The following KHDRBS2 variants were observed in gnomAD, a reference collection of about 807,000 sequenced individuals.
KHDRBS2 encodes KH RNA binding domain containing, signal transduction associated 2, also known as KH domain-containing, RNA-binding, signal transduction-associated protein 2.
Under a neutral mutation model 44.3 loss-of-function variants are expected in KHDRBS2, and 26 were observed. That is an observed-to-expected ratio of 0.59 (90% CI 0.43 to 0.81). KHDRBS2 has a LOEUF of 0.81. KHDRBS2 is among the 40% of genes least tolerant of loss of function. The pLI is 0.00. For missense variants in KHDRBS2, 476 were observed against 433.1 expected, an observed-to-expected ratio of 1.10 and a Z score of -0.88; for synonymous variants, 194 against 151.1, an observed-to-expected ratio of 1.28 and a Z score of -2.08.
intron 2 of KHDRBS2, among the ~76,000 whole-genome samples, chr6:62,102,672 G>T (rs952707001): frequency 6.6e-6 from 1 of 152,102 alleles, no homozygotes; most frequent in Non-Finnish European, 1.5e-5. Flanking sequence ...CACATGGGGT[G>T]GCTGCCAGGC....
chr6:61,827,661 TG>T (rs1791113559), intron 6 of KHDRBS2, among the ~76,000 whole-genome samples: 2 of 152,284 alleles, frequency 1.3e-5, no homozygotes, highest in South Asian at 4.1e-4. Context: ...CTCACAGTTC[TG>T]GAGGCTGGTA....
chr6:61,725,003 T>C (rs9353448), intron 7 of KHDRBS2, among the ~76,000 whole-genome samples: 54,574 of 152,044 alleles, frequency 0.36, 10,507 homozygotes, highest in East Asian at 0.48. Flanking sequence ...AACAAGAGCA[T>C]ATACATTCTT....
At chr6:61,872,436 C>T (rs1338782936) in intron 6 of KHDRBS2, among the ~76,000 whole-genome samples, 9 of 151,906 alleles carry the variant, frequency 5.9e-5, no homozygotes, top group Admixed American at 5.9e-4. Flanking sequence ...CTGGATATGA[C>T]ATGAATATCC....
intron 2 of KHDRBS2, among the ~76,000 whole-genome samples, chr6:62,079,851 T>C (rs1797060377): frequency 6.6e-6 from 1 of 152,012 alleles, no homozygotes; most frequent in Admixed American, 6.6e-5. Flanking sequence ...TTCTCTTACC[T>C]TCACAATAGG....
At chr6:62,061,077 T>G (rs893045105) in intron 2 of KHDRBS2, among the ~76,000 whole-genome samples, 3 of 151,886 alleles carry the variant, frequency 2.0e-5, no homozygotes, top group Non-Finnish European at 2.9e-5. Context: ...CTCTGAAAGT[T>G]AGATGGGTTT....
chr6:61,621,811 C>T, the KHDRBS2 span, among the ~76,000 whole-genome samples: 1 of 152,142 alleles, frequency 6.6e-6, no homozygotes, highest in Non-Finnish European at 1.5e-5. Context: ...CACATTTTAA[C>T]AGATTGGAAA....
chr6:62,070,366 T>A (rs925292974), intron 2 of KHDRBS2, among the ~76,000 whole-genome samples: 6 of 152,146 alleles, frequency 3.9e-5, no homozygotes, highest in African/African-American at 1.4e-4. Flanking sequence ...TACTTTAAGT[T>A]TTAGGATACA....
At chr6:61,607,800 G>C in the KHDRBS2 span, among the ~76,000 whole-genome samples, 1 of 152,096 alleles carries the variant, frequency 6.6e-6, no homozygotes, top group African/African-American at 2.4e-5. Context: ...CAATTCTCCT[G>C]CCTCAGCCTC....
At chr6:61,643,436 A>T in the KHDRBS2 span, among the ~76,000 whole-genome samples, 1 of 152,128 alleles carries the variant, frequency 6.6e-6, no homozygotes, top group Non-Finnish European at 1.5e-5. Flanking sequence ...ACTCCTATTC[A>T]ACACAGTATT....
the KHDRBS2 span, among the ~76,000 whole-genome samples, chr6:61,555,142 A>G: frequency 1.3e-5 from 2 of 152,270 alleles, no homozygotes; most frequent in African/African-American, 4.8e-5. Flanking sequence ...AGGAATGCCA[A>G]TGAGTCATAA....
chr6:61,804,313 G>T (rs1786774791), intron 6 of KHDRBS2, among the ~76,000 whole-genome samples: 1 of 152,180 alleles, frequency 6.6e-6, no homozygotes, highest in Non-Finnish European at 1.5e-5. Flanking sequence ...GCAAGAGGTA[G>T]GTTCCCATGG....
rs532664245 is a variant in KHDRBS2, at chr6:61,784,941, G to C, written c.811-52177C>G. Among the ~76,000 whole-genome samples the C allele has an allele frequency of 1.6e-4, 25 of 152,166 alleles. No individual in the cohort carries two copies. The South Asian group carries it at 4.6e-3, about 28-fold the overall frequency. ...AGGTGAGCAGTTTGCTTCAGCCTAG[G>C]AGTTTGAAACTAGCCTGGGCAACAT... On this transcript the variant is annotated intron_variant, in intron 6 of 8. Transcript: ENST00000281156.
chr6:61,799,526 C>A (rs1319772936), intron 6 of KHDRBS2, among the ~76,000 whole-genome samples: 1 of 151,894 alleles, frequency 6.6e-6, no homozygotes, highest in African/African-American at 2.4e-5. Flanking sequence ...TATTTTCAAA[C>A]ACATAATCAC....
chr6:61,557,548 A>G, the KHDRBS2 span, among the ~76,000 whole-genome samples: 1 of 152,040 alleles, frequency 6.6e-6, no homozygotes, highest in East Asian at 1.9e-4. Context: ...TTTTGTTGAA[A>G]ATTTTTGTGT....
intron 4 of KHDRBS2, among the ~76,000 whole-genome samples, chr6:61,914,986 T>C (rs1806735520): frequency 6.6e-6 from 1 of 152,082 alleles, no homozygotes; most frequent in African/African-American, 2.4e-5. Flanking sequence ...AGTTAGAAGA[T>C]AGTTGTGACA....
intron 1 of KHDRBS2, among the ~76,000 whole-genome samples, chr6:62,250,535 GAGGAAGGC>G (rs938709414): frequency 3.2e-4 from 49 of 152,076 alleles, no homozygotes; most frequent in Non-Finnish European, 4.9e-4. Context: ...GGGAGGGAGG[GAGGAAGGC>G]AGGAAGGCAG....
At chr6:61,758,694 CTCATGCT>C (rs1473785110) in intron 6 of KHDRBS2, among the ~76,000 whole-genome samples, 1 of 152,054 alleles carries the variant, frequency 6.6e-6, no homozygotes, top group Non-Finnish European at 1.5e-5. Flanking sequence ...ATAAAATATA[CTCATGCT>C]GTATGATTTT....
At chr6:61,608,883 G>C in the KHDRBS2 span, among the ~76,000 whole-genome samples, 15 of 152,160 alleles carry the variant, frequency 9.9e-5, no homozygotes, top group Non-Finnish European at 1.6e-4. Context: ...ATTGTGAATA[G>C]TGCTGCAGTA....
At chr6:62,238,691 C>T (rs866799034) in intron 1 of KHDRBS2, among the ~76,000 whole-genome samples, 2,678 of 127,566 alleles carry the variant, frequency 0.021, 69 homozygotes, top group African/African-American at 0.064. Context: ...TTTATATACA[C>T]ACACACACAC....
Sources: allele counts gnomAD v4.1 joint callset (sites outside exome capture counted in the v4.1 genomes callset), GRCh38; gene constraint gnomAD v4.1.1; transcripts MANE v1.5; gene names NCBI Gene and HGNC (gene_info 2026-07-23, HGNC 2026-07-21).